KLHL29: variants seen among roughly 807,000 people sequenced by gnomAD.
The protein encoded by KLHL29 is kelch-like protein 29.
Under a neutral mutation model 80.4 loss-of-function variants are expected in KLHL29, and 21 were observed. That is an observed-to-expected ratio of 0.26 (90% CI 0.19 to 0.38). The LOEUF (loss-of-function observed/expected upper bound fraction) is 0.38. Ranked by LOEUF, KLHL29 falls within the 10% of genes least tolerant of loss-of-function variation. The probability of loss-of-function intolerance (pLI) is 1.00; values close to 1 mark genes in which losing one functional copy is unlikely to be tolerated. For missense variants in KLHL29, 867 were observed against 1,223.9 expected (o/e 0.71, Z 4.35); for synonymous variants, 511 against 526.8 (o/e 0.97, Z 0.41).
intron 2 of KLHL29, among the ~76,000 whole-genome samples, chr2:23,488,987 A>G (rs547659191): frequency 9.8e-5 from 15 of 152,312 alleles, no homozygotes; most frequent in Admixed American, 2.6e-4. Context: ...GGTGGCTACT[A>G]CAGCCCATCA....
rs764720236 is a variant in KLHL29, at chr2:23,496,969, G to A, written c.-46+21302G>A. Among the ~76,000 whole-genome samples, 74 of 151,854 alleles carry A rather than the reference G, an allele frequency of 4.9e-4. 3 individuals are homozygous for A. The highest frequency in any genetic ancestry group is 1.3e-4 in the Non-Finnish European group (9 of 68,010). ...GAAATATCATATTCCTGTCAAAAGCGCATGAAATCAATTCTGTAAATTGAG... is the reference window on the plus strand; with the variant it reads ...GAAATATCATATTCCTGTCAAAAGCACATGAAATCAATTCTGTAAATTGAG... On this transcript the variant is annotated intron_variant, in intron 2 of 13. Coordinates refer to ENST00000486442, the MANE Select transcript of KLHL29 (RefSeq NM_052920.2).
rs955110915 is a variant in KLHL29, at chr2:23,693,409, A to G, written c.1423A>G (p.Ile475Val). The G allele has an allele frequency of 1.3e-6, 2 of 1,551,610 alleles. No individual in the cohort carries two copies. Among genetic ancestry groups the G allele is most frequent in the African/African-American group, 1.4e-5 (1 of 73,058 alleles). ...GGCCGCCCAGGAGGAGATCCTCAGC[A>G]TCTCCAAGGACGACTTCATCGCCTA... The part of the protein sequence containing the change: ...EVAAQEEILS[I>V]SKDDFIAYVS... The change falls in exon 8 of 14, where the codon ATC becomes GTC. Residue 475 changes from isoleucine to valine, a missense_variant. Physicochemically the swap from Ile to Val is conservative, Grantham distance 29 (BLOSUM62 3). This residue lies in a region of KLHL29 where 443 missense variants were observed against 767.0 expected (regional missense o/e 0.58). Coordinates refer to ENST00000486442, the MANE Select transcript of KLHL29 (RefSeq NM_052920.2).
rs1671903306 is a variant in KLHL29 at position 23,695,595 on chromosome 2, AG to A, written c.1543-27del. 1.3e-6 allele frequency: 2 copies of A among 1,501,860 alleles called. No individual in the cohort carries two copies. The highest frequency in any genetic ancestry group is 4.4e-5 in the Admixed American group (2 of 45,690). 93.0% of individuals were successfully genotyped at this position (1,501,860 alleles called of 1,614,324 possible). ...GAGGTGGCTCTCTCTTGCTAGTCTAAGAAGATTCTGTCTCCTGTACCCTGCA... is the reference window on the plus strand; with the variant it reads ...GAGGTGGCTCTCTCTTGCTAGTCTAAAAGATTCTGTCTCCTGTACCCTGCA... On this transcript the variant is annotated intron_variant, in intron 8 of 13. Coordinates refer to ENST00000486442, the MANE Select transcript of KLHL29 (RefSeq NM_052920.2). The surrounding 1 kb of genome is among the most constrained non-coding windows in gnomAD (Gnocchi z 7.6).
In KLHL29 at chr2:23,695,350, G is replaced by T. The variant is rs1398243209; in HGVS notation, c.1543-273G>T. Among the ~76,000 whole-genome samples, 1 of 152,124 alleles carries T rather than the reference G, an allele frequency of 6.6e-6. No individual in the cohort carries two copies. Among genetic ancestry groups the T allele is most frequent in the African/African-American group, 2.4e-5 (1 of 41,434 alleles). On this transcript the variant is annotated intron_variant, in intron 8 of 13. Transcript: ENST00000486442. The surrounding 1 kb of genome is among the most constrained non-coding windows in gnomAD (Gnocchi z 7.6). ...CCCAGGTGGAGTGAGAGAATGGGGT[G>T]CTGGGGGGATGAACACATGCTCCCA...
intron 1 of KLHL29, among the ~76,000 whole-genome samples, chr2:23,428,262 C>T (rs1663060415): frequency 6.6e-6 from 1 of 152,204 alleles, no homozygotes; most frequent in South Asian, 2.1e-4. Context: ...CTGAGTCACT[C>T]TGCGGCAAGT....
chr2:23,400,358 G>T (rs1666569768), intron 1 of KLHL29, among the ~76,000 whole-genome samples: 2 of 152,178 alleles, frequency 1.3e-5, no homozygotes, highest in Non-Finnish European at 2.9e-5. Context: ...CCACATTAAA[G>T]CCATTAGTCT....
chr2:23,666,263 C>CAAA (rs1164433847), intron 5 of KLHL29, among the ~76,000 whole-genome samples: 73 of 152,272 alleles, frequency 4.8e-4, no homozygotes, highest in African/African-American at 1.7e-3. Context: ...GTTGCGTGTG[C>CAAA]CTTTTCCAAG....
intron 3 of KLHL29, among the ~76,000 whole-genome samples, chr2:23,587,093 C>T (rs1668139332): frequency 6.6e-6 from 1 of 152,162 alleles, no homozygotes; most frequent in African/African-American, 2.4e-5. Context: ...TTTCATGTCG[C>T]TCCTTTTAAT....
intron 1 of KLHL29, among the ~76,000 whole-genome samples, chr2:23,424,900 A>G (rs1266914567): frequency 6.6e-6 from 1 of 152,238 alleles, no homozygotes; most frequent in Non-Finnish European, 1.5e-5. Flanking sequence ...TCGGGTCACA[A>G]AAGCAGTTTT....
At chr2:23,413,421 C>A (rs1205065043) in intron 1 of KLHL29, among the ~76,000 whole-genome samples, 2 of 152,188 alleles carry the variant, frequency 1.3e-5, no homozygotes, top group Non-Finnish European at 2.9e-5. Flanking sequence ...TATGGTCACT[C>A]CAGACATGGA....
intron 1 of KLHL29, among the ~76,000 whole-genome samples, chr2:23,428,837 C>T (rs566076131): frequency 1.3e-5 from 2 of 152,194 alleles, no homozygotes; most frequent in Non-Finnish European, 2.9e-5. Flanking sequence ...CAAAGCCTCC[C>T]GGTACTTCTT....
At chr2:23,407,841 A>C (rs1401757657) in intron 1 of KLHL29, among the ~76,000 whole-genome samples, 1 of 152,096 alleles carries the variant, frequency 6.6e-6, no homozygotes, top group Non-Finnish European at 1.5e-5. Flanking sequence ...GCGTTTAGTG[A>C]ATGATCTTTC....
chr2:23,451,412 C>T (rs1663876391), intron 1 of KLHL29, among the ~76,000 whole-genome samples: 1 of 152,116 alleles, frequency 6.6e-6, no homozygotes, highest in South Asian at 2.1e-4. Flanking sequence ...GTTTTCATTC[C>T]CACAGCAAAC....
At chr2:23,479,781 CTCCTTT>C (rs1434520009) in intron 2 of KLHL29, among the ~76,000 whole-genome samples, 3 of 152,248 alleles carry the variant, frequency 2.0e-5, no homozygotes, top group Non-Finnish European at 4.4e-5. Flanking sequence ...GCATCTCCTT[CTCCTTT>C]GCCTTAGGCT....
intron 1 of KLHL29, among the ~76,000 whole-genome samples, chr2:23,464,406 C>T (rs1376238095): frequency 3.9e-5 from 6 of 152,208 alleles, no homozygotes; most frequent in Non-Finnish European, 1.5e-5. Context: ...AACACTCCAG[C>T]TGCCTTCGGG....
intron 3 of KLHL29, among the ~76,000 whole-genome samples, chr2:23,631,337 T>C (rs996100412): frequency 6.6e-6 from 1 of 151,424 alleles, no homozygotes; most frequent in African/African-American, 2.4e-5. Context: ...AATTAAAATT[T>C]AAATAAAGAA....
chr2:23,488,986 T>TAC, intron 2 of KLHL29, among the ~76,000 whole-genome samples: 1 of 152,246 alleles, frequency 6.6e-6, no homozygotes, highest in East Asian at 1.9e-4. Context: ...GGGTGGCTAC[T>TAC]ACAGCCCATC....
chr2:23,562,415 C>T lies in KLHL29; in HGVS notation c.219C>T (p.Cys73=), dbSNP rs1437765665. ...LPTPATAPAP[C]TTGSSEAITS... ...CCCCGGCTACAGCTCCTGCTCCCTGCACCACCGGCAGCAGCGAGGCCATCA... is the reference window on the plus strand; with the variant it reads ...CCCCGGCTACAGCTCCTGCTCCCTGTACCACCGGCAGCAGCGAGGCCATCA... Residue 73 remains cysteine (C), a synonymous_variant, in exon 3 of 14, where the codon TGC becomes TGT. Transcript: ENST00000486442. The surrounding 1 kb of genome is among the most constrained non-coding windows in gnomAD (Gnocchi z 4.5). 45 of 1,538,114 alleles carry T rather than the reference C, an allele frequency of 2.9e-5. No individual in the cohort carries two copies. The highest frequency in any genetic ancestry group is 3.2e-5 in the Non-Finnish European group (37 of 1,146,728).
intron 1 of KLHL29, among the ~76,000 whole-genome samples, chr2:23,456,996 AG>A (rs368055971): frequency 3.3e-5 from 5 of 152,080 alleles, no homozygotes; most frequent in African/African-American, 1.2e-4. Flanking sequence ...CATGGAAGGG[AG>A]CAGGGTGGCG....
Sources: allele counts gnomAD v4.1 joint callset (sites outside exome capture counted in the v4.1 genomes callset), GRCh38; gene constraint gnomAD v4.1.1; regional missense constraint gnomAD v4.1.1; non-coding constraint Gnocchi (gnomAD v3.1); transcripts MANE v1.5; gene names NCBI Gene and HGNC (gene_info 2026-07-23, HGNC 2026-07-21).